FBXL7: variants seen among roughly 807,000 people sequenced by gnomAD.
The protein encoded by FBXL7 is F-box/LRR-repeat protein 7.
In FBXL7, 12 loss-of-function variants were observed where a neutral mutation model predicts 38.3. That is an observed-to-expected ratio of 0.31 (90% confidence interval 0.20 to 0.51). The LOEUF (loss-of-function observed/expected upper bound fraction) is 0.51, where lower values mean the gene tolerates loss of function less well. FBXL7 is among the 20% of genes least tolerant of loss of function. The pLI is 0.98. For synonymous variants in FBXL7, 297 were observed against 300.9 expected, an observed-to-expected ratio of 0.99 and a Z score of 0.13; for missense variants, 567 against 676.4, an observed-to-expected ratio of 0.84 and a Z score of 1.79.
rs757754796 is a variant in FBXL7, at chr5:15,616,082, T to C, written c.127+10T>C. On this transcript the variant is annotated intron_variant, in intron 2 of 3. Transcript: ENST00000504595. ...GTGGCTACCAGCGAAGGTAGGCAGC[T>C]GGTCTTCATTATCTCTCTTTCTTCT... The C allele has an allele frequency of 1.3e-6, 2 of 1,591,512 alleles. No individual in the cohort carries two copies. Among genetic ancestry groups the C allele is most frequent in the South Asian group, 2.2e-5 (2 of 90,468 alleles).
chr5:15,661,454 A>G (rs1742067043), intron 2 of FBXL7, among the ~76,000 whole-genome samples: 1 of 152,198 alleles, frequency 6.6e-6, no homozygotes, highest in Admixed American at 6.5e-5. Flanking sequence ...TAGTGACAGC[A>G]TACATCCTTT....
intron 2 of FBXL7, among the ~76,000 whole-genome samples, chr5:15,656,846 T>C (rs1741898551): frequency 6.6e-6 from 1 of 152,144 alleles, no homozygotes; most frequent in African/African-American, 2.4e-5. Flanking sequence ...TTATATAAAA[T>C]GATTAATTTA....
chr5:15,622,593 T>C (rs1740691172), intron 2 of FBXL7, among the ~76,000 whole-genome samples: 1 of 152,234 alleles, frequency 6.6e-6, no homozygotes, highest in South Asian at 2.1e-4. Flanking sequence ...GCTTCATCCA[T>C]GTCCCTACAA....
At chr5:15,692,579 A>T (rs1743217118) in intron 2 of FBXL7, among the ~76,000 whole-genome samples, 1 of 152,044 alleles carries the variant, frequency 6.6e-6, no homozygotes, top group Non-Finnish European at 1.5e-5. Flanking sequence ...TATCCCCTTT[A>T]TTCTGATGAT....
At chr5:15,869,765 G>C (rs1482066963) in intron 2 of FBXL7, among the ~76,000 whole-genome samples, 1 of 152,134 alleles carries the variant, frequency 6.6e-6, no homozygotes, top group Non-Finnish European at 1.5e-5. Context: ...AATACATATT[G>C]TTGCTATGTA....
At chr5:15,797,772 C>A (rs1350363836) in intron 2 of FBXL7, among the ~76,000 whole-genome samples, 1 of 151,918 alleles carries the variant, frequency 6.6e-6, no homozygotes, top group Non-Finnish European at 1.5e-5. Context: ...CAAATTAAGA[C>A]AGATTTCAGT....
At chr5:15,523,382 C>T (rs2126378008) in intron 1 of FBXL7, among the ~76,000 whole-genome samples, 1 of 152,184 alleles carries the variant, frequency 6.6e-6, no homozygotes, top group African/African-American at 2.4e-5. Flanking sequence ...CACGGTGAAA[C>T]CCCGTCTCTA....
At chr5:15,559,190 A>G (rs1233377834) in intron 1 of FBXL7, among the ~76,000 whole-genome samples, 1 of 152,224 alleles carries the variant, frequency 6.6e-6, no homozygotes, top group Non-Finnish European at 1.5e-5. Context: ...AGCATTTTCT[A>G]GAGACTGTCG....
intron 2 of FBXL7, among the ~76,000 whole-genome samples, chr5:15,764,276 C>T (rs543038060): frequency 3.0e-4 from 46 of 152,306 alleles, no homozygotes; most frequent in African/African-American, 1.1e-3. Flanking sequence ...GAATGGAGAA[C>T]ATTTCCTGTA....
At chr5:15,679,351 G>A (rs1742762596) in intron 2 of FBXL7, among the ~76,000 whole-genome samples, 1 of 152,174 alleles carries the variant, frequency 6.6e-6, no homozygotes, top group Admixed American at 6.5e-5. Context: ...AACAGCGAAT[G>A]GGCTTTAATG....
intron 2 of FBXL7, among the ~76,000 whole-genome samples, chr5:15,723,492 G>A (rs1744259122): frequency 6.6e-6 from 1 of 152,094 alleles, no homozygotes; most frequent in Non-Finnish European, 1.5e-5. Flanking sequence ...AGATTTCCAT[G>A]GTATAAATAC....
intron 2 of FBXL7, among the ~76,000 whole-genome samples, chr5:15,740,745 A>G (rs79898400): frequency 3.4e-4 from 52 of 152,352 alleles, no homozygotes; most frequent in African/African-American, 1.2e-3. Flanking sequence ...ACAGAATAAA[A>G]CCAATAGAGA....
At chr5:15,687,364 A>G (rs1272591218) in intron 2 of FBXL7, among the ~76,000 whole-genome samples, 2 of 152,176 alleles carry the variant, frequency 1.3e-5, no homozygotes, top group Non-Finnish European at 2.9e-5. Flanking sequence ...GCAGTGAAAG[A>G]CATTTGAGGT....
chr5:15,547,468 G>T (rs1019963302), intron 1 of FBXL7, among the ~76,000 whole-genome samples: 5 of 152,210 alleles, frequency 3.3e-5, no homozygotes, highest in African/African-American at 1.2e-4. Flanking sequence ...ACTTGTCTGA[G>T]TCTGGTGAGA....
chr5:15,872,324 C>T (rs1292379366), intron 2 of FBXL7, among the ~76,000 whole-genome samples: 1 of 152,136 alleles, frequency 6.6e-6, no homozygotes, highest in Non-Finnish European at 1.5e-5. Context: ...CAAAAACATA[C>T]CAACTTGTAA....
chr5:15,692,287 G>C (rs1316451374), intron 2 of FBXL7, among the ~76,000 whole-genome samples: 2 of 152,202 alleles, frequency 1.3e-5, no homozygotes, highest in Non-Finnish European at 2.9e-5. Flanking sequence ...ACTTGGAATA[G>C]TGATTGGCAC....
At chr5:15,913,240 C>T (rs1356851185) in intron 2 of FBXL7, among the ~76,000 whole-genome samples, 25 of 144,170 alleles carry the variant, frequency 1.7e-4, no homozygotes, top group South Asian at 4.4e-4. Context: ...ATCATATTTT[C>T]TTTTTTTTTT....
chr5:15,737,094 A>G (rs1387249545), intron 2 of FBXL7, among the ~76,000 whole-genome samples: 1 of 152,198 alleles, frequency 6.6e-6, no homozygotes, highest in Non-Finnish European at 1.5e-5. Flanking sequence ...AAATGACAGC[A>G]TTTAAGATTT....
chr5:15,545,406 A>G (rs1325720879), intron 1 of FBXL7, among the ~76,000 whole-genome samples: 1 of 152,252 alleles, frequency 6.6e-6, no homozygotes, highest in Non-Finnish European at 1.5e-5. Context: ...TGAATGCACC[A>G]TGAGCTGAGG....
Sources: allele counts gnomAD v4.1 joint callset (sites outside exome capture counted in the v4.1 genomes callset), GRCh38; gene constraint gnomAD v4.1.1; transcripts MANE v1.5; gene names NCBI Gene and HGNC (gene_info 2026-07-23, HGNC 2026-07-21).